SLC18A1: variants seen among roughly 807,000 people sequenced by gnomAD.
SLC18A1 encodes the protein chromaffin granule amine transporter.
SLC18A1 carries 69 observed loss-of-function variants against 53.7 expected under a neutral mutation model. The ratio of observed to expected loss-of-function variants is 1.28; its 90% CI spans 1.06 to 1.57. SLC18A1 has a LOEUF of 1.57. Among genes scored for constraint, SLC18A1 ranks in the 40% most tolerant of loss-of-function variants. The pLI is 0.00. For synonymous variants in SLC18A1, 320 were observed against 248.1 expected (o/e 1.29, Z -2.72); for missense variants, 932 against 668.1 (o/e 1.40, Z -4.35).
At chr8:20,175,181 C>T (rs1447325655) in intron 4 of SLC18A1, 1 of 152,234 alleles carries the variant, frequency 6.6e-6, no homozygotes, top group East Asian at 1.9e-4. Flanking sequence ...CTGCCAGGCT[C>T]CCAGACAGTC....
chr8:20,181,620 T>C (rs2072430283), intron 1 of SLC18A1: 1 of 152,156 alleles, frequency 6.6e-6, no homozygotes, highest in Admixed American at 6.5e-5. Flanking sequence ...ATTGATATCA[T>C]GTTTCAAAAA....
chr8:20,170,166 C>T (rs2072074654), intron 8 of SLC18A1, among the ~76,000 whole-genome samples: 1 of 152,148 alleles, frequency 6.6e-6, no homozygotes, highest in Non-Finnish European at 1.5e-5. Flanking sequence ...TAAAGCCAGT[C>T]TGTAAAGAGC....
At chr8:20,178,319 T>C in intron 4 of SLC18A1, 116 bp downstream of exon 4, 1 of 748,288 alleles carries the variant, frequency 1.3e-6, no homozygotes, top group Non-Finnish European at 2.2e-6. Flanking sequence ...AATATTCCAG[T>C]CTGCTTAGTC....
intron 10 of SLC18A1, among the ~76,000 whole-genome samples, chr8:20,153,480 A>T (rs1268784456): frequency 6.6e-6 from 1 of 152,202 alleles, no homozygotes; most frequent in Non-Finnish European, 1.5e-5. Context: ...GATCAAGACC[A>T]TCCTAGCTAA....
At chr8:20,151,571 T>C (rs1396641966) in intron 10 of SLC18A1, among the ~76,000 whole-genome samples, 2 of 152,210 alleles carry the variant, frequency 1.3e-5, no homozygotes, top group Non-Finnish European at 2.9e-5. Context: ...GCTATGATTA[T>C]ATCATACCGG....
intron 10 of SLC18A1, among the ~76,000 whole-genome samples, chr8:20,154,190 A>G (rs2071627767): frequency 1.3e-5 from 2 of 152,236 alleles, no homozygotes; most frequent in Admixed American, 6.5e-5. Context: ...CTTTATAGCC[A>G]TGCAAAATGA....
chr8:20,181,133 T>G, intron 1 of SLC18A1, 46 bp from the exon 2 acceptor site: 2 of 621,448 alleles, frequency 3.2e-6, no homozygotes, highest in South Asian at 2.1e-5. Flanking sequence ...TAGGATGATA[T>G]TTGGAAACAT....
intron 8 of SLC18A1, among the ~76,000 whole-genome samples, chr8:20,166,290 T>TGC (rs2071958304): frequency 8.5e-5 from 5 of 59,008 alleles, no homozygotes; most frequent in African/African-American, 1.7e-4. Context: ...TGTGTGTGTC[T>TGC]ATATATATAT....
At chr8:20,147,211 G>A (rs1468200048) in intron 15 of SLC18A1, 47 bp downstream of exon 15, 1 of 1,557,134 alleles carries the variant, frequency 6.4e-7, no homozygotes, top group African/African-American at 1.4e-5. Context: ...AGAGATGATG[G>A]AAAGAAACAG....
At chr8:20,146,874 ATGAG>A (rs2071415857) in intron 15 of SLC18A1, among the ~76,000 whole-genome samples, 1 of 151,650 alleles carries the variant, frequency 6.6e-6, no homozygotes. Flanking sequence ...ACTAGAGTGA[ATGAG>A]TGGATGAACG....
At chr8:20,153,297 T>C (rs879249006) in intron 10 of SLC18A1, among the ~76,000 whole-genome samples, 3 of 152,138 alleles carry the variant, frequency 2.0e-5, no homozygotes, top group Admixed American at 2.0e-4. Flanking sequence ...AGTGAAGTTT[T>C]TGGCAAGTGA....
At chr8:20,166,820 G>A (rs7820651) in intron 8 of SLC18A1, among the ~76,000 whole-genome samples, 1,640 of 152,154 alleles carry the variant, frequency 0.011, 36 homozygotes, top group African/African-American at 0.038. Context: ...ATAAGAGTGG[G>A]GGCTCTAATC....
At chr8:20,155,719 T>C (rs559788314) in intron 10 of SLC18A1, among the ~76,000 whole-genome samples, 18 of 152,288 alleles carry the variant, frequency 1.2e-4, no homozygotes, top group Admixed American at 3.3e-4. Context: ...GTACTAATGC[T>C]TCAGACTTTC....
At chr8:20,167,647 G>C (rs982606181) in intron 8 of SLC18A1, among the ~76,000 whole-genome samples, 2 of 151,830 alleles carry the variant, frequency 1.3e-5, no homozygotes, top group Admixed American at 6.6e-5. Flanking sequence ...TTGAGACAGA[G>C]TCTTGCTCTG....
At chr8:20,156,268 A>T (rs946469571) in intron 10 of SLC18A1, among the ~76,000 whole-genome samples, 1 of 152,278 alleles carries the variant, frequency 6.6e-6, no homozygotes, top group African/African-American at 2.4e-5. Flanking sequence ...AAAAAAAAAA[A>T]AAAAAGTAGC....
chr8:20,158,777 T>A (rs1470011140), intron 10 of SLC18A1, among the ~76,000 whole-genome samples: 3 of 152,142 alleles, frequency 2.0e-5, no homozygotes, highest in Non-Finnish European at 4.4e-5. Flanking sequence ...ATACTCTGCT[T>A]TCCCAAATAC....
In SLC18A1 at chr8:20,149,589, C is replaced by CCTCTCTCTCTCT. The variant is rs60330468; in HGVS notation, c.1146+75_1146+86dup. The CCTCTCTCTCTCT allele has an allele frequency of 9.7e-4, 766 of 791,762 alleles. 3 individuals are homozygous for CCTCTCTCTCTCT. The African/African-American group carries it at 0.01, about 11-fold the overall frequency. 49.0% of individuals were successfully genotyped at this position (791,762 alleles called of 1,614,324 possible). ...CTGTGTCTTTCTCTCTCTCTCTCTC[C>CCTCTCTCTCTCT]CTCTCTCTCTCTCTCTCTCTCTCTC... On this transcript the variant is annotated intron_variant, in intron 12 of 15. Coordinates refer to ENST00000276373, the MANE Select transcript of SLC18A1 (RefSeq NM_003053.4).
rs1365336532 is a variant in SLC18A1, at chr8:20,145,184, T to G, written c.*579A>C. 4 of 151,046 alleles carry G rather than the reference T, an allele frequency of 2.6e-5. No individual in the cohort carries two copies. Among genetic ancestry groups the G allele is most frequent in the African/African-American group, 7.3e-5 (3 of 40,920 alleles). 9.4% of individuals were successfully genotyped at this position (151,046 alleles called of 1,614,324 possible). On this transcript the variant is annotated 3_prime_UTR_variant, in exon 16 of 16. Transcript: ENST00000276373. ...TAAAGCCCTTTTAGCAGCTCTAGAT[T>G]TAGCCACAGAAAAATCACTCACTTT... is the stretch of plus-strand genomic sequence containing the variant.
At chr8:20,182,494 T>G (rs76608140) in intron 1 of SLC18A1, among the ~76,000 whole-genome samples, 12,200 of 152,336 alleles carry the variant, frequency 0.08, 613 homozygotes, top group Middle Eastern at 0.19. Flanking sequence ...GATACTCAAA[T>G]GCCAGTTATT....
Sources: gnomAD v4.1 joint callset for allele counts (sites outside exome capture counted in the v4.1 genomes callset) on GRCh38, gnomAD v4.1.1 for gene constraint, MANE v1.5 for transcripts, NCBI Gene and HGNC (gene_info 2026-07-23, HGNC 2026-07-21) for gene names.